Variants in HEPACAM2 observed in about 807,000 individuals in gnomAD.
HEPACAM2 encodes the protein mitotic kinetics regulator.
HEPACAM2 carries 49 observed loss-of-function variants against 49.6 expected under a neutral mutation model. The ratio of observed to expected loss-of-function variants is 0.99; its 90% CI spans 0.78 to 1.25. HEPACAM2 has a LOEUF of 1.25. Among genes scored for constraint, HEPACAM2 ranks in the 50% most tolerant of loss-of-function variants. The pLI is 0.00. For missense variants in HEPACAM2, 525 were observed against 557.2 expected (o/e 0.94, Z 0.58); for synonymous variants, 197 against 202.9 (o/e 0.97, Z 0.25).
At chr7:93,218,714 A>C (rs191957898) in intron 2 of HEPACAM2, among the ~76,000 whole-genome samples, 1 of 152,228 alleles carries the variant, frequency 6.6e-6, no homozygotes, top group Non-Finnish European at 1.5e-5. Flanking sequence ...CCTCTTCCAA[A>C]CAGTGTACTG....
rs146472168 is a variant in HEPACAM2, at chr7:93,208,583, C to T, written c.1009G>A (p.Val337Ile). The T allele has an allele frequency of 5.0e-5, 81 of 1,611,364 alleles. No individual in the cohort carries two copies. Among genetic ancestry groups the T allele is most frequent in the Non-Finnish European group, 6.0e-5 (71 of 1,178,382 alleles). ...CTTCCTTGTATGTCACACATACCTA[C>T]GGAAGTGATGATAACTGTGAAATGA... is the stretch of plus-strand genomic sequence containing the variant. ...ETHFTVIITS[V>I]GLEKLAQKGK... Residue 337 changes from valine to isoleucine, a missense_variant, in exon 4 of 10, where the codon GTA becomes ATA. Coordinates refer to ENST00000394468, the MANE Select transcript of HEPACAM2 (RefSeq NM_001039372.4).
intron 1 of HEPACAM2, among the ~76,000 whole-genome samples, chr7:93,222,132 C>T (rs13243787): frequency 0.14 from 21,583 of 152,022 alleles, 1,671 homozygotes; most frequent in South Asian, 0.2. Flanking sequence ...GGCTGACAGT[C>T]GGGGTGAAAC....
rs1793458794 is a variant in HEPACAM2 at position 93,188,697 on chromosome 7, C to T, written c.*570G>A. 2 of 220,568 alleles carry T rather than the reference C, an allele frequency of 9.1e-6. No individual in the cohort carries two copies. The highest frequency in any genetic ancestry group is 1.2e-4 in the Admixed American group (2 of 17,368). 13.7% of individuals were successfully genotyped at this position (220,568 alleles called of 1,614,324 possible). On this transcript the variant is annotated 3_prime_UTR_variant, in exon 10 of 10. Transcript: ENST00000394468. ...TTCACAAGTCTTCTCAAAAATACTA[C>T]TGGTGATTGAAAAAAAAGAGAAGGC...
Position 93,208,686 on chromosome 7 carries a change from T to G in HEPACAM2, c.906A>C (p.Ala302=), listed in dbSNP as rs780110249. 1.2e-6 allele frequency: 2 copies of G among 1,613,242 alleles called. No individual in the cohort carries two copies. Among genetic ancestry groups the G allele is most frequent in the Non-Finnish European group, 1.7e-6 (2 of 1,179,452 alleles). ...IIKHGPRLEV[A]SEKVAQKTMD... Reference sequence around the variant, plus strand: ...TTGTCTTCTGGGCTACTTTCTCAGATGCAACTTCTAAGCGAGGCCCATGCT... The same window carrying G: ...TTGTCTTCTGGGCTACTTTCTCAGAGGCAACTTCTAAGCGAGGCCCATGCT... The change falls in exon 4 of 10, where the codon GCA becomes GCC. Residue 302 remains alanine, a synonymous_variant. Coordinates refer to ENST00000394468, the MANE Select transcript of HEPACAM2 (RefSeq NM_001039372.4).
chr7:93,216,719 G>T (rs1349144824), intron 2 of HEPACAM2, among the ~76,000 whole-genome samples: 1 of 152,168 alleles, frequency 6.6e-6, no homozygotes, highest in Non-Finnish European at 1.5e-5. Context: ...CTGCATTTTG[G>T]AGAGAGGTGT....
chr7:93,202,035 A>AAAAAAAAAAAAAAC (rs1793905159), intron 4 of HEPACAM2, among the ~76,000 whole-genome samples: 1 of 3,430 alleles, frequency 2.9e-4, no homozygotes, highest in Non-Finnish European at 4.8e-4. Flanking sequence ...AAAAAACCAA[A>AAAAAAAAAAAAAAC]AAAAAAAAAA....
intron 7 of HEPACAM2, among the ~76,000 whole-genome samples, chr7:93,196,516 A>C (rs192172396): frequency 1.3e-5 from 2 of 152,252 alleles, no homozygotes; most frequent in East Asian, 3.9e-4. Context: ...AAGAGGAAGA[A>C]GGCCCACATT....
At chr7:93,225,948 A>G (rs1422323943) in intron 1 of HEPACAM2, 3 of 1,349,364 alleles carry the variant, frequency 2.2e-6, no homozygotes, top group African/African-American at 1.5e-5. Context: ...GTTTGCAACA[A>G]TATCTTTAAT....
chr7:93,196,226 A>C (rs111286635), intron 7 of HEPACAM2, among the ~76,000 whole-genome samples: 3 of 152,282 alleles, frequency 2.0e-5, no homozygotes, highest in African/African-American at 4.8e-5. Context: ...ACCAGGGTTT[A>C]AGCCTGAAGG....
intron 7 of HEPACAM2, 68 bp downstream of exon 7, chr7:93,197,173 A>G: frequency 9.8e-7 from 1 of 1,025,334 alleles, no homozygotes; most frequent in Non-Finnish European, 1.3e-6. Flanking sequence ...AATAATATAT[A>G]ATAATATTAA....
At chr7:93,189,468 C>T (rs368202955) in intron 9 of HEPACAM2, among the ~76,000 whole-genome samples, 198 bp from the exon 10 acceptor site, 164 of 151,960 alleles carry the variant, frequency 1.1e-3, no homozygotes, top group African/African-American at 3.7e-3. Context: ...AATTTACTTT[C>T]GAAACTAAAG....
At chr7:93,208,924 C>T in intron 3 of HEPACAM2, 48 bp from the exon 4 acceptor site, 1 of 1,476,972 alleles carries the variant, frequency 6.8e-7, no homozygotes, top group Non-Finnish European at 9.1e-7. Context: ...GTAATCACAA[C>T]ATAGGTTTTG....
At position 93,197,491 on chromosome 7, in the gene HEPACAM2, A is replaced by C; in HGVS notation, c.1132T>G (p.Tyr378Asp). 6.3e-7 allele frequency: 1 copy of C among 1,592,124 alleles called. No individual in the cohort carries two copies. The highest frequency in any genetic ancestry group is 8.6e-7 in the Non-Finnish European group (1 of 1,167,116). The change falls in exon 5 of 10, where the codon TAC becomes GAC. Residue 378 changes from tyrosine (Y) to aspartate (D), a missense_variant. Tyr to Asp is a radical substitution (Grantham distance 160). Transcript: ENST00000394468. ...LLFLWKKYQP[Y>D]KVIKQKLEGR... The stretch of plus-strand genomic sequence containing the variant: ...TTTTGTAATTTTAACCTACCTTTGT[A>C]GGGTTGATATTTTTTCCATAGGAAG...
At chr7:93,196,824 T>G (rs1163391455) in intron 7 of HEPACAM2, among the ~76,000 whole-genome samples, 1 of 152,164 alleles carries the variant, frequency 6.6e-6, no homozygotes, top group African/African-American at 2.4e-5. Context: ...AAATCTTCTT[T>G]TCCTCTTCTC....
chr7:93,200,516 TTGAA>T (rs1267151737), intron 4 of HEPACAM2, among the ~76,000 whole-genome samples: 1 of 152,090 alleles, frequency 6.6e-6, no homozygotes, highest in Non-Finnish European at 1.5e-5. Flanking sequence ...CTGAAATAAA[TTGAA>T]TGAATACATA....
At chr7:93,232,230 C>G in the HEPACAM2 span, 1 of 492,102 alleles carries the variant, frequency 2.0e-6, no homozygotes, top group South Asian at 2.3e-5. Context: ...ACTGAAGCAC[C>G]CGCTCTTTTG....
At position 93,191,653 on chromosome 7, in the gene HEPACAM2, G is replaced by A. The variant is rs1009048629; in HGVS notation, c.1385+601C>T. 3.3e-5 allele frequency among the ~76,000 whole-genome samples: 5 copies of A among 152,080 alleles called. 1 individual carries two copies. Among genetic ancestry groups the A allele is most frequent in the Non-Finnish European group, 4.4e-5 (3 of 67,992 alleles). ...TTCTCCACGGCATGGAGGAAAGGGA[G>A]ACTTCTTAGTGACAGCCTTGAGCTT... is the stretch of plus-strand genomic sequence containing the variant. On this transcript the variant is annotated intron_variant, in intron 9 of 9. Coordinates refer to ENST00000394468, the MANE Select transcript of HEPACAM2 (RefSeq NM_001039372.4).
intron 1 of HEPACAM2, among the ~76,000 whole-genome samples, chr7:93,222,443 G>A (rs554966476): frequency 8.6e-5 from 13 of 151,912 alleles, no homozygotes; most frequent in African/African-American, 3.1e-4. Context: ...AGTGTTTCAT[G>A]GCTCACTCCT....
At position 93,219,350 on chromosome 7, in the gene HEPACAM2, C is replaced by T. The variant is rs750057761; in HGVS notation, c.181G>A (p.Ala61Thr). Residue 61 changes from alanine to threonine, a missense_variant, in exon 2 of 10, where the codon GCA becomes ACA. Coordinates refer to ENST00000394468, the MANE Select transcript of HEPACAM2 (RefSeq NM_001039372.4). ...LPVHYGFHTPASDIQIIWLFE... is the reference protein window; with the variant it reads ...LPVHYGFHTPTSDIQIIWLFE... ...AGCCATATGATCTGGATGTCTGATG[C>T]TGGAGTGTGGAAGCCATAGTGGACG... The T allele has an allele frequency of 1.2e-6, 2 of 1,613,966 alleles. No individual in the cohort carries two copies. Among genetic ancestry groups the T allele is most frequent in the Non-Finnish European group, 1.7e-6 (2 of 1,179,960 alleles).
Sources: allele counts gnomAD v4.1 joint callset (sites outside exome capture counted in the v4.1 genomes callset), GRCh38; gene constraint gnomAD v4.1.1; transcripts MANE v1.5; gene names NCBI Gene and HGNC (gene_info 2026-07-23, HGNC 2026-07-21).